NLGN1: variants seen among roughly 807,000 people sequenced by gnomAD.
The protein encoded by NLGN1 is neuroligin-1.
Under a neutral mutation model 65.5 loss-of-function variants are expected in NLGN1, and 12 were observed. That is an observed-to-expected ratio of 0.18 (90% CI 0.12 to 0.30). The LOEUF (loss-of-function observed/expected upper bound fraction) is 0.30, where lower values mean the gene tolerates loss of function less well. NLGN1 is among the 10% of genes least tolerant of loss of function. NLGN1 has a pLI of 1.00. For synonymous variants in NLGN1, 350 were observed against 359.5 expected (o/e 0.97, Z 0.30); for missense variants, 750 against 1,007.1 (o/e 0.74, Z 3.46).
At chr3:173,941,928 A>G (rs1746171857) in intron 4 of NLGN1, among the ~76,000 whole-genome samples, 1 of 151,860 alleles carries the variant, frequency 6.6e-6, no homozygotes, top group Non-Finnish European at 1.5e-5. Flanking sequence ...TCTTAAAAAC[A>G]TCCTGCTTAT....
chr3:173,580,841 TA>T (rs1340951330), intron 2 of NLGN1, among the ~76,000 whole-genome samples: 1 of 152,026 alleles, frequency 6.6e-6, no homozygotes, highest in Non-Finnish European at 1.5e-5. Flanking sequence ...ATAATAGTAA[TA>T]GCCATTTGCA....
chr3:173,573,478 T>C (rs1377173237), intron 2 of NLGN1, among the ~76,000 whole-genome samples: 1 of 149,062 alleles, frequency 6.7e-6, no homozygotes. Context: ...TCTTCATATG[T>C]ATATTATATA....
At chr3:173,705,648 C>G (rs964048234) in intron 3 of NLGN1, among the ~76,000 whole-genome samples, 8 of 152,056 alleles carry the variant, frequency 5.3e-5, no homozygotes, top group Non-Finnish European at 7.4e-5. Context: ...ATAACCTTAG[C>G]AGGTCGAAAG....
Position 174,068,218 on chromosome 3 carries a change from A to G in NLGN1, c.647-207097A>G, listed in dbSNP as rs112365947. On this transcript the variant is annotated intron_variant, in intron 4 of 6. Transcript: ENST00000457714. ...CTCTGCCTAGGTACTCTGGGGCTCT[A>G]ATATCTTGAGGACACATTAGGTAGC... 6.2e-3 allele frequency among the ~76,000 whole-genome samples: 950 copies of G among 152,082 alleles called. 13 individuals are homozygous for G. The highest frequency in any genetic ancestry group is 0.022 in the African/African-American group (915 of 41,506).
chr3:174,015,533 C>G (rs749966700), intron 4 of NLGN1, among the ~76,000 whole-genome samples: 1 of 152,122 alleles, frequency 6.6e-6, no homozygotes, highest in Non-Finnish European at 1.5e-5. Context: ...CCCAAAGGCC[C>G]CATCTCCAAA....
rs1320872220 is a variant in NLGN1 at position 173,746,594 on chromosome 3, A to G, written c.494-61086A>G. 5.3e-5 allele frequency among the ~76,000 whole-genome samples: 8 copies of G among 152,042 alleles called. 1 individual carries two copies. Among genetic ancestry groups the G allele is most frequent in the Non-Finnish European group, 1.5e-5 (1 of 68,000 alleles). ...ACGAAAACCATTCTTGACTGTCTAC[A>G]CTAGATTAAGTCTGATTTGTCACAT... On this transcript the variant is annotated intron_variant, in intron 3 of 6. Transcript: ENST00000457714.
intron 1 of NLGN1, among the ~76,000 whole-genome samples, chr3:173,417,251 C>T (rs185758778): frequency 9.2e-4 from 140 of 151,768 alleles, no homozygotes; most frequent in Middle Eastern, 3.7e-3. Flanking sequence ...CAAGAGAGTT[C>T]GTAGAAGTAG....
At chr3:174,045,843 T>C (rs1051204499) in intron 4 of NLGN1, among the ~76,000 whole-genome samples, 12 of 152,302 alleles carry the variant, frequency 7.9e-5, no homozygotes, top group African/African-American at 2.9e-4. Context: ...AAAGCTGAGC[T>C]TATAAAATTC....
At chr3:174,277,790 T>C (rs932635985) in intron 5 of NLGN1, among the ~76,000 whole-genome samples, 3 of 151,902 alleles carry the variant, frequency 2.0e-5, no homozygotes, top group African/African-American at 7.2e-5. Flanking sequence ...ACTTTCCTTC[T>C]AATTCAGACA....
At position 173,942,105 on chromosome 3, in the gene NLGN1, TGG is replaced by T. The variant is rs201025995; in HGVS notation, c.646+134277_646+134278del. Among the ~76,000 whole-genome samples the T allele has an allele frequency of 5.3e-3, 727 of 137,104 alleles. 10 individuals carry two copies. The highest frequency in any genetic ancestry group is 0.025 in the East Asian group (122 of 4,798). 89.9% of individuals were successfully genotyped at this position (137,104 alleles called of 152,430 possible). A position where few individuals can be genotyped will look rare whatever the true frequency, so the allele number is the denominator to read the frequency against. On this transcript the variant is annotated intron_variant, in intron 4 of 6. Transcript: ENST00000457714. ...CATCATGGTCAGGAATATTGGTGGT[TGG>T]GGGTGTGTGTGTGTGTGTGTGTGTG... is the stretch of plus-strand genomic sequence containing the variant.
intron 4 of NLGN1, among the ~76,000 whole-genome samples, chr3:174,149,733 T>A (rs954177550): frequency 6.6e-6 from 1 of 151,984 alleles, no homozygotes; most frequent in Admixed American, 6.6e-5. Context: ...TTACAAGATA[T>A]GATAGATAAT....
At chr3:173,734,191 G>T (rs914085313) in intron 3 of NLGN1, among the ~76,000 whole-genome samples, 2 of 151,558 alleles carry the variant, frequency 1.3e-5, no homozygotes, top group Non-Finnish European at 1.5e-5. Context: ...AATAACATTT[G>T]GTTTTATAAT....
intron 4 of NLGN1, chr3:173,912,627 G>GA (rs1214290419): frequency 1.3e-5 from 2 of 152,004 alleles, no homozygotes; most frequent in Non-Finnish European, 2.9e-5. Flanking sequence ...CCTAGAATTA[G>GA]AAAAATGAGT....
chr3:173,708,513 A>G (rs1220315011), intron 3 of NLGN1, among the ~76,000 whole-genome samples: 1 of 152,206 alleles, frequency 6.6e-6, no homozygotes, highest in South Asian at 2.1e-4. Context: ...TTTCAGAGGA[A>G]AAGACCAGGA....
At chr3:173,800,263 T>TTC in intron 3 of NLGN1, 1 of 894,528 alleles carries the variant, frequency 1.1e-6, no homozygotes, top group Non-Finnish European at 1.5e-6. Context: ...CTTTTTTTTT[T>TTC]TTCCTCCATT....
chr3:173,954,435 G>C (rs13086904), intron 4 of NLGN1, among the ~76,000 whole-genome samples: 3,672 of 152,010 alleles, frequency 0.024, 75 homozygotes, highest in South Asian at 0.07. Flanking sequence ...CTGTCATTGG[G>C]AAACCTGCAT....
intron 2 of NLGN1, among the ~76,000 whole-genome samples, chr3:173,505,427 T>A (rs979208097): frequency 6.6e-6 from 1 of 152,108 alleles, no homozygotes; most frequent in South Asian, 2.1e-4. Flanking sequence ...TGCATTGGCT[T>A]CCTATAATTC....
At chr3:173,951,393 A>G (rs926512584) in intron 4 of NLGN1, among the ~76,000 whole-genome samples, 1 of 152,080 alleles carries the variant, frequency 6.6e-6, no homozygotes, top group Admixed American at 6.5e-5. Context: ...TGAAGCCACA[A>G]ATTGGTCTAC....
chr3:173,474,409 C>T (rs1725836202), intron 2 of NLGN1, among the ~76,000 whole-genome samples: 1 of 152,078 alleles, frequency 6.6e-6, no homozygotes, highest in African/African-American at 2.4e-5. Flanking sequence ...AGCCCCAAAC[C>T]CTTCAATTTC....
Sources: allele counts gnomAD v4.1 joint callset (sites outside exome capture counted in the v4.1 genomes callset), GRCh38; gene constraint gnomAD v4.1.1; transcripts MANE v1.5; gene names NCBI Gene and HGNC (gene_info 2026-07-23, HGNC 2026-07-21).